TUBB4A: variants seen among roughly 807,000 people sequenced by gnomAD.
The protein encoded by TUBB4A is tubulin beta 4A class IVa.
In TUBB4A, 13 loss-of-function variants were observed where a neutral mutation model predicts 35.1. The ratio of observed to expected loss-of-function variants is 0.37; its 90% confidence interval spans 0.24 to 0.59. TUBB4A has a LOEUF of 0.59. Ranked by LOEUF, TUBB4A falls within the 20% of genes least tolerant of loss-of-function variation. The pLI is 0.71. For missense variants in TUBB4A, 299 were observed against 647.2 expected (o/e 0.46, Z 5.84); for synonymous variants, 279 against 272.4 (o/e 1.02, Z -0.24).
chr19:6,497,987 G>A lies in TUBB4A; in HGVS notation c.278-1766C>T, dbSNP rs11085176. Among the ~76,000 whole-genome samples the A allele has an allele frequency of 8.3e-4, 123 of 147,470 alleles. 2 individuals carry two copies. Among genetic ancestry groups the A allele is most frequent in the Middle Eastern group, 3.9e-3 (1 of 256 alleles). Reference sequence around the variant, plus strand: ...AGCACTTTGGGAGGCCGAGGCGGGCGGATAGCGAGGTCAGGAGATCAAGAC... The same window carrying A: ...AGCACTTTGGGAGGCCGAGGCGGGCAGATAGCGAGGTCAGGAGATCAAGAC... On this transcript the variant is annotated intron_variant, in intron 3 of 3. Coordinates refer to ENST00000264071, the MANE Select transcript of TUBB4A (RefSeq NM_006087.4).
rs1023892653 is a variant in TUBB4A at position 6,495,104 on chromosome 19, G to A, written c.*60C>T. 11 of 1,585,158 alleles carry A rather than the reference G, an allele frequency of 6.9e-6. No individual in the cohort carries two copies. The highest frequency in any genetic ancestry group is 6.7e-5 in the African/African-American group (5 of 74,230). ...GGGGCTCTAGGGTTCAGAGATGGGG[G>A]GCCTAGCGGATCAAAGGTCAGAAGC... On this transcript the variant is annotated 3_prime_UTR_variant, in exon 4 of 4. Coordinates refer to ENST00000264071, the MANE Select transcript of TUBB4A (RefSeq NM_006087.4). The surrounding 1 kb of genome is among the most constrained non-coding windows in gnomAD (Gnocchi z 8.7).
chr19:6,495,881 T>C lies in TUBB4A; in HGVS notation c.618A>G (p.Ala206=), dbSNP rs1914141360. The stretch of plus-strand genomic sequence containing the variant: ...GGGTGCGGAAACAGATGTCGTAGAG[T>C]GCCTCGTTGTCGATGCAGTAGGTCT... ...TDETYCIDNE[A]LYDICFRTLK... is the part of the protein sequence containing the mutation. The change falls in exon 4 of 4, where the codon GCA becomes GCG. Residue 206 remains alanine, a synonymous_variant. Transcript: ENST00000264071. This position sits in a 1 kb window ranked among gnomAD's most constrained non-coding sequence, Gnocchi z 8.7. 1.2e-6 allele frequency: 2 copies of C among 1,613,972 alleles called. No individual in the cohort carries two copies. The highest frequency in any genetic ancestry group is 1.1e-5 in the South Asian group (1 of 91,088).
chr19:6,494,793 A>T lies in TUBB4A; in HGVS notation c.*371T>A. The T allele has an allele frequency of 3.3e-6, 1 of 304,524 alleles. No individual in the cohort carries two copies. The highest frequency in any genetic ancestry group is 6.2e-6 in the Non-Finnish European group (1 of 161,856). 18.9% of individuals were successfully genotyped at this position (304,524 alleles called of 1,614,324 possible). ...GAGGGAGGGGTCAAACATAAACCAG[A>T]ACTTATAGGTCTAGAGGTAAAATGG... On this transcript the variant is annotated 3_prime_UTR_variant, in exon 4 of 4. Coordinates refer to ENST00000264071, the MANE Select transcript of TUBB4A (RefSeq NM_006087.4).
In TUBB4A at chr19:6,495,137, G is replaced by T. The variant is rs990365107; in HGVS notation, c.*27C>A. ...GGATCAAAGGTCAGAAGCCTCGAGG[G>T]GACAGGTGGGAAGCGATGGGAGCAG... is the stretch of plus-strand genomic sequence containing the variant. On this transcript the variant is annotated 3_prime_UTR_variant, in exon 4 of 4. Transcript: ENST00000264071. This position sits in a 1 kb window ranked among gnomAD's most constrained non-coding sequence, Gnocchi z 8.7. 2.5e-6 allele frequency: 4 copies of T among 1,610,904 alleles called. No individual in the cohort carries two copies. In the South Asian group the frequency reaches 4.4e-5, roughly 18 times the overall value.
At position 6,494,360 on chromosome 19, in the gene TUBB4A, G is replaced by C. The variant is rs1053395; in HGVS notation, c.*804C>G. 33,012 of 151,798 alleles carry C rather than the reference G, an allele frequency of 0.22. 4,209 individuals carry two copies. Among genetic ancestry groups the C allele is most frequent in the East Asian group, 0.44 (2,250 of 5,128 alleles). The allele number at this position is 151,798 out of a possible 1,614,324, so 9.4% of individuals were successfully genotyped here. A position where few individuals can be genotyped will look rare whatever the true frequency, so the allele number is the denominator to read the frequency against. On this transcript the variant is annotated 3_prime_UTR_variant, in exon 4 of 4. Coordinates refer to ENST00000264071, the MANE Select transcript of TUBB4A (RefSeq NM_006087.4). Reference sequence around the variant, plus strand: ...ATTTATTTATTGAGGGTGAGGCAGGGAAGCGGGGAGGGAGGGTAGGGGTGA... The same window carrying C: ...ATTTATTTATTGAGGGTGAGGCAGGCAAGCGGGGAGGGAGGGTAGGGGTGA...
At chr19:6,499,317 C>T (rs1259822357) in intron 3 of TUBB4A, among the ~76,000 whole-genome samples, 2 of 149,954 alleles carry the variant, frequency 1.3e-5, no homozygotes, top group Admixed American at 6.6e-5. Flanking sequence ...AAAAAAAAAG[C>T]GTGGACCTAG....
Position 6,495,352 on chromosome 19 carries a change from C to G in TUBB4A, c.1147G>C (p.Glu383Gln). Reference protein sequence around the residue: ...AIQELFKRISEQFTAMFRRKA... With the variant: ...AIQELFKRISQQFTAMFRRKA... ...CGCCGGAACATGGCCGTGAACTGCT[C>G]GGAGATGCGCTTGAACAGCTCCTGG... The change falls in exon 4 of 4, where the codon GAG becomes CAG. Residue 383 changes from glutamate (E) to glutamine (Q), a missense_variant. Transcript: ENST00000264071. The surrounding 1 kb of genome is among the most constrained non-coding windows in gnomAD (Gnocchi z 8.7). The G allele has an allele frequency of 6.2e-7, 1 of 1,613,784 alleles. No homozygotes were observed. The highest frequency in any genetic ancestry group is 8.5e-7 in the Non-Finnish European group (1 of 1,179,962).
chr19:6,498,853 A>G (rs1185626104), intron 3 of TUBB4A, among the ~76,000 whole-genome samples: 1 of 152,166 alleles, frequency 6.6e-6, no homozygotes, highest in African/African-American at 2.4e-5. Flanking sequence ...TTCAAAACAT[A>G]ATGATGCAGT....
intron 3 of TUBB4A, chr19:6,500,896 CAG>C (rs1914498937): frequency 5.2e-6 from 1 of 192,946 alleles, no homozygotes; most frequent in Admixed American, 5.3e-5. Context: ...TGCACTGGGG[CAG>C]AGAGGGAGCT....
chr19:6,496,959 A>T (rs1914232576), intron 3 of TUBB4A, among the ~76,000 whole-genome samples: 2 of 126,224 alleles, frequency 1.6e-5, no homozygotes, highest in Admixed American at 1.7e-4. Context: ...GCAGTTCAAG[A>T]CTAGCCTGGG....
At position 6,494,368 on chromosome 19, in the gene TUBB4A, G is replaced by C. The variant is rs1914006628; in HGVS notation, c.*796C>G. The C allele has an allele frequency of 6.6e-6, 1 of 152,076 alleles. No homozygotes were observed. Among genetic ancestry groups the C allele is most frequent in the Non-Finnish European group, 1.5e-5 (1 of 68,030 alleles). 9.4% of individuals were successfully genotyped at this position (152,076 alleles called of 1,614,324 possible). A position where few individuals can be genotyped will look rare whatever the true frequency, so the allele number is the denominator to read the frequency against. ...ATTGAGGGTGAGGCAGGGAAGCGGG[G>C]AGGGAGGGTAGGGGTGACCTCTCTT... On this transcript the variant is annotated 3_prime_UTR_variant, in exon 4 of 4. Coordinates refer to ENST00000264071, the MANE Select transcript of TUBB4A (RefSeq NM_006087.4).
Position 6,501,456 on chromosome 19 carries a change from A to G in TUBB4A, c.166+59T>C. On this transcript the variant is annotated intron_variant, in intron 2 of 3. Transcript: ENST00000264071. This position sits in a 1 kb window ranked among gnomAD's most constrained non-coding sequence, Gnocchi z 4.2. ...GTGCCAGGAACCACAGGCGCCCGGT[A>G]GCATCCTGTTCCCTCCCAGCTGCCC... 1 of 1,602,056 alleles carries G rather than the reference A, an allele frequency of 6.2e-7. No individual in the cohort carries two copies. Among genetic ancestry groups the G allele is most frequent in the Non-Finnish European group, 8.5e-7 (1 of 1,170,788 alleles).
At chr19:6,498,564 C>T (rs564257241) in intron 3 of TUBB4A, among the ~76,000 whole-genome samples, 5 of 152,382 alleles carry the variant, frequency 3.3e-5, no homozygotes, top group Non-Finnish European at 5.9e-5. Flanking sequence ...CTGCTTCAGC[C>T]GCAGCTGTTA....
At chr19:6,500,043 G>A (rs1458635402) in intron 3 of TUBB4A, among the ~76,000 whole-genome samples, 2 of 152,010 alleles carry the variant, frequency 1.3e-5, no homozygotes, top group Non-Finnish European at 2.9e-5. Flanking sequence ...CACCCGCCTC[G>A]GCCTCCCAAA....
Position 6,494,666 on chromosome 19 carries a change from G to A in TUBB4A, c.*498C>T, listed in dbSNP as rs1256365637. ...GAGGGTGAAAGAGAAGTTGGAGTCAGAGGGGATTCAGAGATCAAAGAGAAG... is the reference window on the plus strand; with the variant it reads ...GAGGGTGAAAGAGAAGTTGGAGTCAAAGGGGATTCAGAGATCAAAGAGAAG... On this transcript the variant is annotated 3_prime_UTR_variant, in exon 4 of 4. Transcript: ENST00000264071. 8.3e-5 allele frequency: 15 copies of A among 181,668 alleles called. No homozygotes were observed. The highest frequency in any genetic ancestry group is 8.0e-4 in the Admixed American group (15 of 18,660). The allele number at this position is 181,668 out of a possible 1,614,324, so 11.3% of individuals were successfully genotyped here. A position where few individuals can be genotyped will look rare whatever the true frequency, so the allele number is the denominator to read the frequency against.
At chr19:6,497,919 A>AAG (rs34355754) in intron 3 of TUBB4A, among the ~76,000 whole-genome samples, 1 of 133,354 alleles carries the variant, frequency 7.5e-6, no homozygotes, top group African/African-American at 2.8e-5. Context: ...AAAAAAAAAA[A>AAG]GAAGAATATT....
intron 3 of TUBB4A, among the ~76,000 whole-genome samples, chr19:6,499,792 T>G (rs564360867): frequency 6.0e-4 from 90 of 151,036 alleles, no homozygotes; most frequent in African/African-American, 2.1e-3. Context: ...GACTTTAAGC[T>G]TCACAATTTT....
At chr19:6,502,101 C>T in intron 1 of TUBB4A, 55 bp downstream of exon 1, 1 of 1,509,650 alleles carries the variant, frequency 6.6e-7, no homozygotes, top group Non-Finnish European at 8.8e-7. Context: ...GGGGACCGAC[C>T]CCGCGGTGCT....
intron 3 of TUBB4A, 51 bp from the exon 4 acceptor site, chr19:6,496,272 C>A (rs756144679): frequency 1.3e-5 from 20 of 1,530,834 alleles, no homozygotes; most frequent in Non-Finnish European, 1.7e-5. Flanking sequence ...GAGCCCCAAC[C>A]CTTGACTCTG....
Sources: gnomAD v4.1 joint callset for allele counts (sites outside exome capture counted in the v4.1 genomes callset) on GRCh38, gnomAD v4.1.1 for gene constraint, Gnocchi (gnomAD v3.1) non-coding constraint, MANE v1.5 for transcripts, NCBI Gene and HGNC (gene_info 2026-07-23, HGNC 2026-07-21) for gene names.